The following DGKZ variants were observed in gnomAD, a reference collection of about 807,000 sequenced individuals.
The protein encoded by DGKZ is diacylglycerol kinase zeta.
In DGKZ, 45 loss-of-function variants were observed where a neutral mutation model predicts 142.5. The observed-to-expected ratio is 0.32, with a 90% CI of 0.25 to 0.40. The LOEUF is 0.40. DGKZ is among the 10% of genes least tolerant of loss of function. The pLI, the probability that DGKZ is intolerant of heterozygous loss-of-function variation, is 1.00. For synonymous variants in DGKZ, 442 were observed against 527.0 expected, an observed-to-expected ratio of 0.84 and a Z score of 2.21; for missense variants, 755 against 1,306.5, an observed-to-expected ratio of 0.58 and a Z score of 6.51.
At chr11:46,345,299 G>C, upstream of DGKZ, 1 of 1,373,298 alleles carries the variant, frequency 7.3e-7, no homozygotes, top group Non-Finnish European at 9.3e-7. This position sits in a 1 kb window ranked among gnomAD's most constrained non-coding sequence, Gnocchi z 4.1. Flanking sequence ...GCGCCTATGA[G>C]CCCTGAGCCT....
chr11:46,352,571 C>T (rs540517928), intron 1 of DGKZ, among the ~76,000 whole-genome samples: 1 of 152,226 alleles, frequency 6.6e-6, no homozygotes, highest in Non-Finnish European at 1.5e-5. Context: ...TCTGGGACTC[C>T]CGCGCTGGGC....
intron 1 of DGKZ, among the ~76,000 whole-genome samples, chr11:46,352,574 C>T (rs1023401763): frequency 1.1e-4 from 16 of 152,216 alleles, no homozygotes; most frequent in African/African-American, 3.1e-4. Flanking sequence ...GGGACTCCCG[C>T]GCTGGGCTTC....
At chr11:46,375,107 A>G in intron 19 of DGKZ, 62 bp downstream of exon 19, 1 of 1,435,998 alleles carries the variant, frequency 7.0e-7, no homozygotes, top group Non-Finnish European at 9.3e-7. Context: ...GGGGTCACCC[A>G]TACTCACCTC....
chr11:46,379,579 G>C lies in DGKZ; in HGVS notation c.2688+11G>C, dbSNP rs1284616486. The stretch of plus-strand genomic sequence containing the variant: ...AAGACAGACCAGCAGGTGAGCAGAC[G>C]GCAGGCAGGGAGCCCACGAGGGCAC... On this transcript the variant is annotated intron_variant, in intron 30 of 30. Coordinates refer to ENST00000527911, the Ensembl canonical transcript of DGKZ. 4 of 1,599,034 alleles carry C rather than the reference G, an allele frequency of 2.5e-6. No individual in the cohort carries two copies. The highest frequency in any genetic ancestry group is 2.2e-5 in the East Asian group (1 of 44,648).
chr11:46,366,925 G>T (rs1309518659), intron 1 of DGKZ: 5 of 1,543,306 alleles, frequency 3.2e-6, no homozygotes, highest in Non-Finnish European at 4.3e-6. Flanking sequence ...TGTCCCGCAG[G>T]CGCCAGGTAG....
rs933354254 is a variant in DGKZ, at chr11:46,361,333, G to A, written c.162-5958G>A. 4.6e-5 allele frequency among the ~76,000 whole-genome samples: 7 copies of A among 152,192 alleles called. No individual in the cohort carries two copies. In the East Asian group the frequency reaches 9.7e-4, roughly 21 times the overall value. On this transcript the variant is annotated intron_variant, in intron 1 of 30. Transcript: ENST00000527911. ...ACCTCGTTCCCAAGCTGAGGCATGG[G>A]CTGGGCTGTACTGGGTGCCAGGTGG...
At chr11:46,336,989 C>T (rs192883332) in intron 1 of DGKZ, among the ~76,000 whole-genome samples, 2 of 152,038 alleles carry the variant, frequency 1.3e-5, no homozygotes, top group African/African-American at 4.8e-5. Context: ...CCACTGCACT[C>T]GAGGCTGGGA....
exon 31 of DGKZ, chr11:46,380,258 G>C: frequency 8.1e-6 from 2 of 245,850 alleles, no homozygotes; most frequent in South Asian, 1.5e-4. Context: ...GCCCTCCCAG[G>C]AGTGGAGGGG....
chr11:46,369,614 T>G, intron 5 of DGKZ, 64 bp downstream of exon 5: 4 of 1,586,850 alleles, frequency 2.5e-6, no homozygotes, highest in Non-Finnish European at 3.5e-6. Context: ...CTCTGCGCAG[T>G]GCCTCTGGAG....
At chr11:46,338,926 G>T (rs1940145811) in intron 1 of DGKZ, 2 of 152,272 alleles carry the variant, frequency 1.3e-5, no homozygotes, top group African/African-American at 4.8e-5. Flanking sequence ...TGTGTAGCTG[G>T]ACCCCTCCGT....
chr11:46,333,555 A>G, intron 1 of DGKZ: 1 of 1,423,846 alleles, frequency 7.0e-7, no homozygotes. Context: ...GTCATTGCAC[A>G]AACGTTTATT....
chr11:46,347,233 G>A (rs1475636025), upstream of DGKZ, among the ~76,000 whole-genome samples: 1 of 152,132 alleles, frequency 6.6e-6, no homozygotes, highest in African/African-American at 2.4e-5. The surrounding 1 kb of genome is among the most constrained non-coding windows in gnomAD (Gnocchi z 6.4). Context: ...GTGCCAGGCC[G>A]GGAGATTCAG....
At chr11:46,350,551 G>T (rs564381718) in intron 1 of DGKZ, among the ~76,000 whole-genome samples, 1 of 133,622 alleles carries the variant, frequency 7.5e-6, no homozygotes, top group South Asian at 2.7e-4. Flanking sequence ...TGAGGGGCCC[G>T]ACGGGAAGAT....
upstream of DGKZ, among the ~76,000 whole-genome samples, chr11:46,344,043 G>A (rs569053931): frequency 9.9e-5 from 15 of 151,464 alleles, no homozygotes; most frequent in East Asian, 3.9e-4. Flanking sequence ...TCCGCCTCCC[G>A]AATTCAAACG....
exon 21 of DGKZ, chr11:46,375,918 C>T: frequency 6.2e-7 from 1 of 1,601,416 alleles, no homozygotes; most frequent in Admixed American, 1.7e-5. Context: ...CTATGAGGCC[C>T]TGCACTACGA....
At chr11:46,340,922 G>T (rs1711533885) in intron 1 of DGKZ, among the ~76,000 whole-genome samples, 1 of 152,246 alleles carries the variant, frequency 6.6e-6, no homozygotes, top group Non-Finnish European at 1.5e-5. Context: ...GCCAGGGCGG[G>T]CCAATCACTT....
chr11:46,377,140 G>C (rs752896095), exon 25 of DGKZ: 11 of 1,613,140 alleles, frequency 6.8e-6, no homozygotes, highest in Non-Finnish European at 7.6e-6. Flanking sequence ...GAGCTGCTGG[G>C]GGCATCGGCC....
chr11:46,369,236 C>T (rs777432056), intron 4 of DGKZ: 5 of 561,670 alleles, frequency 8.9e-6, no homozygotes, highest in South Asian at 6.0e-5. Flanking sequence ...GTGGGGGAGA[C>T]GGACCCAAAG....
chr11:46,377,010 C>T, intron 24 of DGKZ, 63 bp from the exon 25 acceptor site: 2 of 1,469,110 alleles, frequency 1.4e-6, no homozygotes, highest in East Asian at 2.3e-5. Context: ...GTCTACCAGC[C>T]TTGCTGCCCC....
Sources: allele counts gnomAD v4.1 joint callset (sites outside exome capture counted in the v4.1 genomes callset), GRCh38; gene constraint gnomAD v4.1.1; non-coding constraint Gnocchi (gnomAD v3.1); transcripts MANE v1.5; gene names NCBI Gene and HGNC (gene_info 2026-07-23, HGNC 2026-07-21).